The following ESRRG variants were observed in gnomAD, a reference collection of about 807,000 sequenced individuals.
ESRRG encodes the protein estrogen related receptor gamma, also known as estrogen-related receptor gamma.
ESRRG carries 13 observed loss-of-function variants against 44.0 expected under a neutral mutation model. The ratio of observed to expected loss-of-function variants is 0.30; its 90% CI spans 0.19 to 0.47. The LOEUF is 0.47. Ranked by LOEUF, ESRRG falls within the 20% of genes least tolerant of loss-of-function variation. ESRRG has a pLI of 1.00. For synonymous variants in ESRRG, 215 were observed against 214.6 expected (o/e 1.00, Z -0.02); for missense variants, 395 against 580.6 (o/e 0.68, Z 3.29).
At chr1:216,842,244 T>C (rs1173392861) in intron 2 of ESRRG, among the ~76,000 whole-genome samples, 5 of 152,180 alleles carry the variant, frequency 3.3e-5, no homozygotes, top group African/African-American at 1.2e-4. Flanking sequence ...TCATTTTTTG[T>C]CTCAGAGTTG....
Position 216,994,522 on chromosome 1 carries a change from C to T in ESRRG, c.-105-54849G>A, listed in dbSNP as rs188408444. Among the ~76,000 whole-genome samples, 8 of 152,200 alleles carry T rather than the reference C, an allele frequency of 5.3e-5. No homozygotes were observed. The East Asian group carries it at 7.7e-4, about 15-fold the overall frequency. On this transcript the variant is annotated intron_variant, in intron 1 of 7. Coordinates refer to the ESRRG transcript ENST00000359162. ...CTACTTTGTGCTTATCCATAAGAGA[C>T]GGTAAAAAAGTATATATTGGCCTTG...
At chr1:216,512,280 T>A (rs1041184010) in intron 6 of ESRRG, among the ~76,000 whole-genome samples, 1 of 152,136 alleles carries the variant, frequency 6.6e-6, no homozygotes, top group Non-Finnish European at 1.5e-5. Flanking sequence ...CAGTAGCCAA[T>A]TTGCACAAAA....
upstream of ESRRG, among the ~76,000 whole-genome samples, chr1:217,091,985 A>G (rs1410766503): frequency 1.3e-5 from 2 of 152,320 alleles, no homozygotes; most frequent in East Asian, 3.9e-4. Context: ...CTTTTCAGAC[A>G]AATGTCTTCC....
At chr1:216,774,671 G>A (rs1189481965) in intron 2 of ESRRG, among the ~76,000 whole-genome samples, 1 of 152,074 alleles carries the variant, frequency 6.6e-6, no homozygotes, top group African/African-American at 2.4e-5. Flanking sequence ...AGGCTCAAAT[G>A]TAGCACTAAA....
chr1:216,730,305 TAAAAAAAAAAAAA>T (rs11445965), intron 2 of ESRRG, among the ~76,000 whole-genome samples: 1 of 121,458 alleles, frequency 8.2e-6, no homozygotes, highest in Admixed American at 8.7e-5. Context: ...CTTAGAAAGG[TAAAAAAAAAAAAA>T]AAAAGAAAGA....
intron 2 of ESRRG, among the ~76,000 whole-genome samples, chr1:216,779,178 T>TATAA (rs1553603041): frequency 2.0e-5 from 1 of 49,670 alleles, no homozygotes; most frequent in Non-Finnish European, 4.0e-5. Flanking sequence ...TATATATAAT[T>TATAA]ATATAAATAT....
rs5780911 is a variant in ESRRG at position 216,702,776 on chromosome 1, CAAAAAAAAA to C, written c.56+20459_56+20467del. Among the ~76,000 whole-genome samples, 10 of 95,150 alleles carry C rather than the reference CAAAAAAAAA, an allele frequency of 1.1e-4. No individual in the cohort carries two copies. In the East Asian group the frequency reaches 2.0e-3, roughly 19 times the overall value. The allele number at this position is 95,150 out of a possible 152,430, so 62.4% of individuals were successfully genotyped here. ...TGGGAAACAGAGCAAGACTCTGCCT[CAAAAAAAAA>C]AAAAAAAAAAGATATTCCAGGCAAA... On this transcript the variant is annotated intron_variant, in intron 1 of 6. Coordinates refer to ENST00000408911, the MANE Select transcript of ESRRG (RefSeq NM_001438.4).
rs1004883520 is a variant in ESRRG, at chr1:216,568,775, G to A, written c.590-677C>T. On this transcript the variant is annotated intron_variant, in intron 3 of 6. Coordinates refer to ENST00000408911, the MANE Select transcript of ESRRG (RefSeq NM_001438.4). ...GGATAGAAAGGGGAGCTTCCTAGCC[G>A]GGCGCAGTGGCTCACGCCTGTATAA... Among the ~76,000 whole-genome samples the A allele has an allele frequency of 7.9e-5, 12 of 152,152 alleles. No individual in the cohort carries two copies. The East Asian group carries it at 1.4e-3, about 17-fold the overall frequency.
At chr1:216,559,976 T>G (rs2058395022) in intron 5 of ESRRG, among the ~76,000 whole-genome samples, 1 of 152,166 alleles carries the variant, frequency 6.6e-6, no homozygotes, top group South Asian at 2.1e-4. Flanking sequence ...GTCTAAATAC[T>G]TCTGAGAAAA....
chr1:216,744,215 G>A (rs145236458), intron 2 of ESRRG, among the ~76,000 whole-genome samples: 28 of 152,068 alleles, frequency 1.8e-4, no homozygotes, highest in African/African-American at 6.0e-4. Context: ...CTGAACAAAC[G>A]GCAATAAAAT....
chr1:216,810,057 G>A (rs983694331), intron 2 of ESRRG, among the ~76,000 whole-genome samples: 7 of 152,160 alleles, frequency 4.6e-5, no homozygotes, highest in African/African-American at 1.7e-4. Flanking sequence ...AAAGCACTAT[G>A]ACACAGCTAC....
intron 1 of ESRRG, among the ~76,000 whole-genome samples, chr1:216,696,356 T>C (rs1575439682): frequency 6.6e-6 from 1 of 152,224 alleles, no homozygotes; most frequent in Non-Finnish European, 1.5e-5. Context: ...TAGACATACG[T>C]ATGTTTAACA....
chr1:216,581,064 A>G (rs987907493), intron 3 of ESRRG, among the ~76,000 whole-genome samples: 15 of 152,248 alleles, frequency 9.9e-5, no homozygotes, highest in African/African-American at 3.6e-4. Flanking sequence ...AGATTTGTAG[A>G]AATTTACAAC....
chr1:216,843,267 A>G (rs1025100808), intron 2 of ESRRG, among the ~76,000 whole-genome samples: 2 of 151,934 alleles, frequency 1.3e-5, no homozygotes, highest in African/African-American at 4.8e-5. Context: ...CTACTACAAC[A>G]TGGCAAGCAG....
chr1:216,621,316 A>T (rs1407041638), intron 3 of ESRRG, among the ~76,000 whole-genome samples: 1 of 152,182 alleles, frequency 6.6e-6, no homozygotes, highest in Non-Finnish European at 1.5e-5. Context: ...CATCCCAGTG[A>T]TCTGTGCTTA....
intron 2 of ESRRG, among the ~76,000 whole-genome samples, chr1:216,656,882 C>A (rs1385883531): frequency 6.6e-6 from 1 of 152,096 alleles, no homozygotes; most frequent in African/African-American, 2.4e-5. Flanking sequence ...ACCCACAGGG[C>A]ACTCCAAGTG....
chr1:217,093,589 C>T (rs776187244), upstream of ESRRG, among the ~76,000 whole-genome samples: 9 of 152,032 alleles, frequency 5.9e-5, no homozygotes, highest in Non-Finnish European at 1.2e-4. Flanking sequence ...TTGAGACCAG[C>T]CTAGGCAATG....
At chr1:216,968,909 G>A (rs2071041578) in intron 1 of ESRRG, among the ~76,000 whole-genome samples, 1 of 151,888 alleles carries the variant, frequency 6.6e-6, no homozygotes, top group African/African-American at 2.4e-5. Context: ...AGTTTTCTTT[G>A]TACAGCTCTT....
chr1:216,777,166 A>T (rs1046781179), intron 2 of ESRRG, among the ~76,000 whole-genome samples: 1 of 152,136 alleles, frequency 6.6e-6, no homozygotes, highest in Non-Finnish European at 1.5e-5. Context: ...GCTCTGTATA[A>T]AAGATGACGC....
Sources: gnomAD v4.1 joint callset for allele counts (sites outside exome capture counted in the v4.1 genomes callset) on GRCh38, gnomAD v4.1.1 for gene constraint, MANE v1.5 for transcripts, NCBI Gene and HGNC (gene_info 2026-07-23, HGNC 2026-07-21) for gene names.